The following CNTN4 variants were observed in gnomAD, a reference collection of about 807,000 sequenced individuals.
The protein encoded by CNTN4 is contactin 4, also known as contactin-4.
In CNTN4, 77 loss-of-function variants were observed where a neutral mutation model predicts 122.5. The ratio of observed to expected loss-of-function variants is 0.63; its 90% CI spans 0.52 to 0.76. The LOEUF (loss-of-function observed/expected upper bound fraction) is 0.76, where lower values mean the gene tolerates loss of function less well. Ranked by LOEUF, CNTN4 falls within the 30% of genes least tolerant of loss-of-function variation. The pLI is 0.00. For synonymous variants in CNTN4, 512 were observed against 447.0 expected (o/e 1.15, Z -1.83); for missense variants, 1,256 against 1,259.1 (o/e 1.00, Z 0.04).
chr3:3,037,289 C>T lies in CNTN4; in HGVS notation c.2053C>T (p.Pro685Ser), dbSNP rs866832644. 4.3e-6 allele frequency: 7 copies of T among 1,613,984 alleles called. No individual in the cohort carries two copies. The highest frequency in any genetic ancestry group is 3.3e-4 in the Middle Eastern group (2 of 6,082). ...VAANVIGIGE[P>S]SRPSEKRRTE... ...AGCCAACGTGATTGGGATTGGGGAG[C>T]CCAGCCGCCCCTCAGAGAAACGGAG... Residue 685 changes from proline (P) to serine (S), a missense_variant, in exon 18 of 25, where the codon CCC becomes TCC. Physicochemically the swap from Pro to Ser is moderately conservative, Grantham distance 74. Coordinates refer to ENST00000418658, the MANE Select transcript of CNTN4 (RefSeq NM_175607.3).
chr3:2,359,802 G>T (rs564806646), intron 3 of CNTN4, among the ~76,000 whole-genome samples: 4 of 152,162 alleles, frequency 2.6e-5, no homozygotes, highest in Non-Finnish European at 5.9e-5. Context: ...GCCTCCCAAA[G>T]TGCTGGGATT....
chr3:2,629,617 T>TA, intron 4 of CNTN4: 1 of 437,556 alleles, frequency 2.3e-6, no homozygotes, highest in South Asian at 1.6e-5. Flanking sequence ...AAGCCTAAGT[T>TA]ACAGCACCAG....
At chr3:2,285,574 A>G (rs2149935730) in intron 2 of CNTN4, among the ~76,000 whole-genome samples, 1 of 152,198 alleles carries the variant, frequency 6.6e-6, no homozygotes, top group Admixed American at 6.5e-5. Context: ...ACAAAATGAG[A>G]GCCTTCTCAT....
At chr3:2,930,616 T>C (rs150480386) in intron 13 of CNTN4, among the ~76,000 whole-genome samples, 1 of 152,254 alleles carries the variant, frequency 6.6e-6, no homozygotes, top group African/African-American at 2.4e-5. Flanking sequence ...GTCAAGCAAA[T>C]GGATAATAAG....
intron 3 of CNTN4, among the ~76,000 whole-genome samples, chr3:2,481,026 C>A (rs866672511): frequency 1.0e-5 from 1 of 99,290 alleles, no homozygotes; most frequent in Admixed American, 9.0e-5. Flanking sequence ...TCTTTCTTTT[C>A]TTTTTCTTTT....
At chr3:2,218,581 T>C (rs1253805848) in intron 2 of CNTN4, among the ~76,000 whole-genome samples, 1 of 152,150 alleles carries the variant, frequency 6.6e-6, no homozygotes, top group Non-Finnish European at 1.5e-5. Flanking sequence ...AGTCTAAACA[T>C]GTAGAAATTT....
rs759526543 is a variant in CNTN4, at chr3:3,030,230, G to A, written c.1663-625G>A. Among the ~76,000 whole-genome samples the A allele has an allele frequency of 1.1e-4, 17 of 152,186 alleles. No homozygotes were observed. In the East Asian group the frequency reaches 1.4e-3, roughly 12 times the overall value. On this transcript the variant is annotated intron_variant, in intron 15 of 24. Coordinates refer to ENST00000418658, the MANE Select transcript of CNTN4 (RefSeq NM_175607.3). ...AATGCTGGAGAAATATTTCTGGGGC[G>A]CATAGACATCCAAACCAGGATGTAA...
intron 2 of CNTN4, among the ~76,000 whole-genome samples, chr3:2,237,904 C>A (rs1355729101): frequency 6.6e-6 from 1 of 152,024 alleles, no homozygotes; most frequent in Non-Finnish European, 1.5e-5. Flanking sequence ...AATAGATTTA[C>A]TGTGATAATT....
intron 3 of CNTN4, among the ~76,000 whole-genome samples, chr3:2,470,964 G>A (rs1274198537): frequency 2.0e-5 from 3 of 152,222 alleles, no homozygotes; most frequent in African/African-American, 7.2e-5. Flanking sequence ...CATTTCCAAG[G>A]GAAAAGATGG....
At chr3:3,023,336 A>C (rs1698455335) in intron 14 of CNTN4, among the ~76,000 whole-genome samples, 1 of 152,196 alleles carries the variant, frequency 6.6e-6, no homozygotes, top group African/African-American at 2.4e-5. Flanking sequence ...TTAATGAATC[A>C]GCAGCTGTCA....
chr3:2,144,231 A>G (rs1245347525), intron 2 of CNTN4: 4 of 152,188 alleles, frequency 2.6e-5, no homozygotes, highest in African/African-American at 7.2e-5. Context: ...TTCTTTGGCT[A>G]CAGCTTACAT....
intron 4 of CNTN4, among the ~76,000 whole-genome samples, chr3:2,715,431 A>G (rs901280010): frequency 6.6e-6 from 1 of 152,216 alleles, no homozygotes; most frequent in African/African-American, 2.4e-5. Flanking sequence ...ACCTCTGTTT[A>G]AGTCCTACCT....
At chr3:2,203,109 C>T (rs768350009) in intron 2 of CNTN4, among the ~76,000 whole-genome samples, 1 of 151,958 alleles carries the variant, frequency 6.6e-6, no homozygotes, top group African/African-American at 2.4e-5. Context: ...GCTGGGATTA[C>T]AGGCGTGAGT....
rs576263297 is a variant in CNTN4, at chr3:2,302,095, T to C, written c.-144-37083T>C. On this transcript the variant is annotated intron_variant, in intron 2 of 24. Transcript: ENST00000418658. ...TTTTTGTGGCAGAAATTTTATGAGG[T>C]AGGCAGGGTGAAGGAAGGCACTATT... 3.9e-5 allele frequency among the ~76,000 whole-genome samples: 6 copies of C among 152,266 alleles called. No individual in the cohort carries two copies. The South Asian group carries it at 1.2e-3, about 32-fold the overall frequency.
chr3:2,344,623 T>A (rs1466234922), intron 3 of CNTN4, among the ~76,000 whole-genome samples: 5 of 152,132 alleles, frequency 3.3e-5, no homozygotes, highest in Non-Finnish European at 1.5e-5. Flanking sequence ...CATACTGAGA[T>A]TCTGAATGAT....
At chr3:2,944,283 A>T (rs927274481) in intron 13 of CNTN4, among the ~76,000 whole-genome samples, 5 of 151,916 alleles carry the variant, frequency 3.3e-5, no homozygotes, top group Admixed American at 1.3e-4. Context: ...TAGAGCATAA[A>T]TTTTTTTTAC....
At chr3:2,803,263 A>G (rs554347007) in intron 6 of CNTN4, among the ~76,000 whole-genome samples, 2 of 152,238 alleles carry the variant, frequency 1.3e-5, no homozygotes, top group African/African-American at 4.8e-5. Flanking sequence ...ATTGACATAA[A>G]CTAAAATAGT....
At chr3:2,889,081 A>G (rs1021409752) in intron 10 of CNTN4, among the ~76,000 whole-genome samples, 4 of 152,092 alleles carry the variant, frequency 2.6e-5, no homozygotes, top group South Asian at 2.1e-4. Context: ...AGAAAAAGCT[A>G]TGGCCAAAGA....
intron 6 of CNTN4, among the ~76,000 whole-genome samples, chr3:2,811,158 C>A (rs776402947): frequency 6.6e-6 from 1 of 151,924 alleles, no homozygotes; most frequent in Non-Finnish European, 1.5e-5. Flanking sequence ...ACCTGTAATC[C>A]CAGCACTTTG....
Sources: allele counts gnomAD v4.1 joint callset (sites outside exome capture counted in the v4.1 genomes callset), GRCh38; gene constraint gnomAD v4.1.1; transcripts MANE v1.5; gene names NCBI Gene and HGNC (gene_info 2026-07-23, HGNC 2026-07-21).